Variants in PIK3CA observed in about 807,000 individuals in gnomAD.
PIK3CA encodes the protein phosphatidylinositol 4,5-bisphosphate 3-kinase catalytic subunit alpha isoform.
In PIK3CA, 27 loss-of-function variants were observed where a neutral mutation model predicts 138.2. The observed-to-expected ratio is 0.20, with a 90% confidence interval of 0.14 to 0.27. The LOEUF (loss-of-function observed/expected upper bound fraction) is 0.27, where lower values mean the gene tolerates loss of function less well. PIK3CA is among the 10% of genes least tolerant of loss of function. PIK3CA has a pLI of 1.00. For synonymous variants in PIK3CA, 358 were observed against 413.2 expected, an observed-to-expected ratio of 0.87 and a Z score of 1.62; for missense variants, 544 against 1,277.4, an observed-to-expected ratio of 0.43 and a Z score of 8.75.
chr3:179,152,606 A>T (rs1179651603), intron 1 of PIK3CA, among the ~76,000 whole-genome samples: 2 of 152,166 alleles, frequency 1.3e-5, no homozygotes, highest in African/African-American at 2.4e-5. Flanking sequence ...GATCCAAGAG[A>T]GTTCTTGCCC....
At chr3:179,154,719 G>GA (rs1254724097) in intron 1 of PIK3CA, among the ~76,000 whole-genome samples, 45 of 152,084 alleles carry the variant, frequency 3.0e-4, no homozygotes, top group African/African-American at 9.2e-4. Context: ...ATAAAACTAG[G>GA]AAAAAATGTG....
chr3:179,224,113 G>T lies in PIK3CA; in HGVS notation c.2220G>T (p.Arg740Ser), dbSNP rs755226907. 3.7e-6 allele frequency: 6 copies of T among 1,607,164 alleles called. No individual in the cohort carries two copies. In the Admixed American group the frequency reaches 1.0e-4, roughly 27 times the overall value. The change falls in exon 15 of 21, where the codon AGG becomes AGT. Residue 740 changes from arginine to serine, a missense_variant. Coordinates refer to ENST00000263967, the MANE Select transcript of PIK3CA (RefSeq NM_006218.4). Reference protein sequence around the residue: ...VQMKFLVEQMRRPDFMDALQG... With the variant: ...VQMKFLVEQMSRPDFMDALQG... ...TGAAGTTTTTAGTTGAGCAAATGAGGCGACCAGATTTCATGGATGCTCTAC... is the reference window on the plus strand; with the variant it reads ...TGAAGTTTTTAGTTGAGCAAATGAGTCGACCAGATTTCATGGATGCTCTAC...
At chr3:179,232,598 C>T (rs1035520129) in intron 20 of PIK3CA, among the ~76,000 whole-genome samples, 18 of 151,702 alleles carry the variant, frequency 1.2e-4, no homozygotes, top group African/African-American at 3.6e-4. Flanking sequence ...TCTTTTTGGT[C>T]GGTTTTATAT....
chr3:179,163,197 A>T (rs1259633534), intron 1 of PIK3CA, among the ~76,000 whole-genome samples: 1 of 152,216 alleles, frequency 6.6e-6, no homozygotes, highest in African/African-American at 2.4e-5. Context: ...TCTTTATTTC[A>T]TCTTACATAC....
chr3:179,182,669 TC>T (rs1723878459), intron 1 of PIK3CA, among the ~76,000 whole-genome samples: 1 of 151,362 alleles, frequency 6.6e-6, no homozygotes, highest in South Asian at 2.1e-4. Context: ...AGACCCTGTC[TC>T]AAAAAAAAAG....
chr3:179,170,304 A>C (rs940864976), intron 1 of PIK3CA, among the ~76,000 whole-genome samples: 1 of 152,190 alleles, frequency 6.6e-6, no homozygotes, highest in African/African-American at 2.4e-5. Context: ...CATATTCGCA[A>C]ATTTTAATTT....
At chr3:179,195,260 GAAAA>G (rs370744912) in intron 1 of PIK3CA, among the ~76,000 whole-genome samples, 1 of 138,720 alleles carries the variant, frequency 7.2e-6, no homozygotes, top group Non-Finnish European at 1.6e-5. Context: ...CCTTCTCGGT[GAAAA>G]AAAAAAACAA....
intron 1 of PIK3CA, among the ~76,000 whole-genome samples, chr3:179,156,067 C>G (rs11708869): frequency 0.24 from 37,185 of 152,074 alleles, 5,594 homozygotes; most frequent in African/African-American, 0.42. Context: ...AAATCACTCC[C>G]TAGAGAGAAG....
At chr3:179,196,166 G>T (rs1724261209) in intron 1 of PIK3CA, among the ~76,000 whole-genome samples, 1 of 152,176 alleles carries the variant, frequency 6.6e-6, no homozygotes, top group African/African-American at 2.4e-5. Context: ...GAACATATGA[G>T]GGTTCCCTGT....
intron 1 of PIK3CA, among the ~76,000 whole-genome samples, chr3:179,195,466 T>A (rs1724244343): frequency 6.6e-6 from 1 of 152,142 alleles, no homozygotes; most frequent in Non-Finnish European, 1.5e-5. Flanking sequence ...AACAGTCCAG[T>A]GAAGTAGATG....
At chr3:179,207,036 C>A (rs745603798) in intron 6 of PIK3CA, among the ~76,000 whole-genome samples, 16 of 151,734 alleles carry the variant, frequency 1.1e-4, no homozygotes, top group Non-Finnish European at 2.2e-4. Flanking sequence ...ATTCTGTAGT[C>A]TAAAAGGTGA....
Position 179,238,797 on chromosome 3 carries a change from C to G in PIK3CA, c.*4433C>G, listed in dbSNP as rs1183768069. On this transcript the variant is annotated 3_prime_UTR_variant, in exon 21 of 21. Coordinates refer to ENST00000263967, the MANE Select transcript of PIK3CA (RefSeq NM_006218.4). ...TTTGTGTACACACTGCTTGCTTAGC[C>G]CTAGTCAAGAGGCATCTTTTATAAA... 2 of 223,948 alleles carry G rather than the reference C, an allele frequency of 8.9e-6. No individual in the cohort carries two copies. The highest frequency in any genetic ancestry group is 4.5e-5 in the African/African-American group (2 of 44,772). 13.9% of individuals were successfully genotyped at this position (223,948 alleles called of 1,614,324 possible).
rs1724335079 is a variant in PIK3CA, at chr3:179,198,916, A to C, written c.91A>C (p.Ile31Leu). The C allele has an allele frequency of 1.3e-5, 21 of 1,610,870 alleles. No homozygotes were observed. Among genetic ancestry groups the C allele is most frequent in the Non-Finnish European group, 1.8e-5 (21 of 1,177,994 alleles). Residue 31 changes from isoleucine to leucine, a missense_variant, in exon 2 of 21, where the codon ATA (isoleucine) becomes CTA (leucine). This residue lies in a region of PIK3CA where 47 missense variants were observed against 84.0 expected (regional missense o/e 0.56). Transcript: ENST00000263967. ...AGAATGTTTACTACCAAATGGAATG[A>C]TAGTGACTTTAGAATGCCTCCGTGA... is the stretch of plus-strand genomic sequence containing the variant. Reference protein sequence around the residue: ...LVECLLPNGMIVTLECLREAT... With the variant: ...LVECLLPNGMLVTLECLREAT...
intron 1 of PIK3CA, among the ~76,000 whole-genome samples, chr3:179,177,595 G>A (rs1014442037): frequency 2.0e-5 from 3 of 151,976 alleles, no homozygotes; most frequent in African/African-American, 7.2e-5. Flanking sequence ...TTACAGGCAT[G>A]AGCCACCACG....
In PIK3CA at chr3:179,210,213, A is replaced by G. The variant is rs943535452; in HGVS notation, c.1279A>G (p.Ile427Val). Reference protein sequence around the residue: ...EEHCPLAWGNINLFDYTDTLV... With the variant: ...EEHCPLAWGNVNLFDYTDTLV... ...ACACTGTCCATTGGCATGGGGAAAT[A>G]TAAACTTGTTTGATTACACAGACAC... is the stretch of plus-strand genomic sequence containing the variant. Residue 427 changes from isoleucine (I) to valine (V), a missense_variant, in exon 8 of 21, where the codon ATA becomes GTA. Coordinates refer to ENST00000263967, the MANE Select transcript of PIK3CA (RefSeq NM_006218.4). 1 of 1,591,348 alleles carries G rather than the reference A, an allele frequency of 6.3e-7. No homozygotes were observed. Among genetic ancestry groups the G allele is most frequent in the African/African-American group, 1.4e-5 (1 of 73,496 alleles).
intron 1 of PIK3CA, among the ~76,000 whole-genome samples, chr3:179,176,215 C>G (rs943945218): frequency 2.6e-5 from 4 of 152,058 alleles, no homozygotes; most frequent in Admixed American, 2.6e-4. Flanking sequence ...TTTAGTTTTT[C>G]CAGAAATTAT....
intron 1 of PIK3CA, among the ~76,000 whole-genome samples, chr3:179,170,100 G>A (rs940761649): frequency 9.0e-6 from 1 of 111,334 alleles, no homozygotes; most frequent in Non-Finnish European, 2.0e-5. Flanking sequence ...ACACACACAC[G>A]ACCTTAGTAA....
At chr3:179,154,687 A>G (rs1217186953) in intron 1 of PIK3CA, among the ~76,000 whole-genome samples, 1 of 152,226 alleles carries the variant, frequency 6.6e-6, no homozygotes, top group African/African-American at 2.4e-5. Flanking sequence ...ATAATGAGAT[A>G]ATTCAAATAA....
chr3:179,226,725 C>T (rs1239503932), intron 17 of PIK3CA, among the ~76,000 whole-genome samples: 1 of 152,034 alleles, frequency 6.6e-6, no homozygotes, highest in Non-Finnish European at 1.5e-5. Flanking sequence ...TATTTGTATG[C>T]CTCTTATAAA....
Sources: allele counts gnomAD v4.1 joint callset (sites outside exome capture counted in the v4.1 genomes callset), GRCh38; gene constraint gnomAD v4.1.1; regional missense constraint gnomAD v4.1.1; transcripts MANE v1.5; gene names NCBI Gene and HGNC (gene_info 2026-07-23, HGNC 2026-07-21).